RTN4RL1: variants seen among roughly 807,000 people sequenced by gnomAD.
RTN4RL1 encodes the protein reticulon-4 receptor-like 1.
Under a neutral mutation model 25.6 loss-of-function variants are expected in RTN4RL1, and 7 were observed. The observed-to-expected ratio is 0.27, with a 90% CI of 0.16 to 0.51. The LOEUF (loss-of-function observed/expected upper bound fraction) is 0.51, where lower values mean the gene tolerates loss of function less well. Ranked by LOEUF, RTN4RL1 falls within the 20% of genes least tolerant of loss-of-function variation. The pLI, the probability that RTN4RL1 is intolerant of heterozygous loss-of-function variation, is 0.97. For missense variants in RTN4RL1, 500 were observed against 615.6 expected (o/e 0.81, Z 1.99); for synonymous variants, 297 against 288.2 (o/e 1.03, Z -0.31).
intron 1 of RTN4RL1, among the ~76,000 whole-genome samples, chr17:1,995,263 T>A (rs548326654): frequency 6.6e-6 from 1 of 151,942 alleles, no homozygotes; most frequent in Non-Finnish European, 1.5e-5. Flanking sequence ...CCGTCTCTAC[T>A]AAAAATACAA....
At chr17:2,015,152 G>A (rs1290262879) in intron 1 of RTN4RL1, among the ~76,000 whole-genome samples, 1 of 152,196 alleles carries the variant, frequency 6.6e-6, no homozygotes, top group Non-Finnish European at 1.5e-5. Context: ...CAGTGGCGGA[G>A]GAGGTGCAAA....
intron 1 of RTN4RL1, among the ~76,000 whole-genome samples, chr17:2,011,713 C>G (rs1274695750): frequency 6.6e-6 from 1 of 152,198 alleles, no homozygotes; most frequent in Non-Finnish European, 1.5e-5. Flanking sequence ...TCTCTGCAAT[C>G]AGAATTGGCC....
chr17:1,990,941 T>G (rs919353226), intron 1 of RTN4RL1, among the ~76,000 whole-genome samples: 1 of 152,002 alleles, frequency 6.6e-6, no homozygotes, highest in African/African-American at 2.4e-5. Flanking sequence ...GCATGTGTAG[T>G]GCTCCCCCTG....
intron 1 of RTN4RL1, among the ~76,000 whole-genome samples, chr17:2,021,551 C>CTTTTTTT (rs767770637): frequency 1.9e-5 from 2 of 106,186 alleles, no homozygotes; most frequent in African/African-American, 3.6e-5. Context: ...CATCCTATAC[C>CTTTTTTT]TTTTTTTTTT....
chr17:1,989,650 T>C (rs2066901288), intron 1 of RTN4RL1, among the ~76,000 whole-genome samples: 1 of 152,166 alleles, frequency 6.6e-6, no homozygotes, highest in African/African-American at 2.4e-5. Context: ...CTCGGTTCAC[T>C]GCCACCTCCA....
At chr17:1,960,356 G>A (rs149481093) in intron 1 of RTN4RL1, among the ~76,000 whole-genome samples, 2 of 152,184 alleles carry the variant, frequency 1.3e-5, no homozygotes, top group East Asian at 1.9e-4. Flanking sequence ...TTTCCTGCTC[G>A]AAATCTTCAG....
chr17:2,008,984 C>T (rs2067022985), intron 1 of RTN4RL1, among the ~76,000 whole-genome samples: 1 of 152,146 alleles, frequency 6.6e-6, no homozygotes, highest in African/African-American at 2.4e-5. Context: ...TTTACTCACT[C>T]CCACCCTGCC....
intron 1 of RTN4RL1, among the ~76,000 whole-genome samples, chr17:1,991,099 G>A (rs575094933): frequency 2.6e-5 from 4 of 152,296 alleles, no homozygotes; most frequent in East Asian, 1.9e-4. Flanking sequence ...GATTCCATTC[G>A]ATTCAGCAAA....
At chr17:1,958,031 A>T (rs1915825255) in intron 1 of RTN4RL1, among the ~76,000 whole-genome samples, 2 of 151,780 alleles carry the variant, frequency 1.3e-5, no homozygotes, top group Admixed American at 6.6e-5. Context: ...AAAAAATAAA[A>T]AATAAAAAAA....
Position 2,024,961 on chromosome 17 carries a change from G to C in RTN4RL1, c.-96C>G. ...TGGGCGCCAGCTGCAGCTAATCCGAGCGCGTCGAGGCGGGGGCAAGCCGGG... is the reference window on the plus strand; with the variant it reads ...TGGGCGCCAGCTGCAGCTAATCCGACCGCGTCGAGGCGGGGGCAAGCCGGG... On this transcript the variant is annotated 5_prime_UTR_variant, in exon 1 of 2. Transcript: ENST00000331238. The C allele has an allele frequency of 7.5e-7, 1 of 1,337,330 alleles. No individual in the cohort carries two copies. Among genetic ancestry groups the C allele is most frequent in the Non-Finnish European group, 1.0e-6 (1 of 973,426 alleles). The allele number at this position is 1,337,330 out of a possible 1,614,324, so 82.8% of individuals were successfully genotyped here. A position where few individuals can be genotyped will look rare whatever the true frequency, so the allele number is the denominator to read the frequency against.
At position 1,971,977 on chromosome 17, in the gene RTN4RL1, AAAT is replaced by A. The variant is rs2066822311; in HGVS notation, c.14-34172_14-34170del. ...ACTCCCTCTCAAAAAAAAAAAAAAA[AAAT>A]TTTAAACATTAGCCAGGTGTGGTGG... On this transcript the variant is annotated intron_variant, in intron 1 of 1. Transcript: ENST00000331238. Among the ~76,000 whole-genome samples the A allele has an allele frequency of 2.7e-5, 4 of 148,482 alleles. 1 individual carries two copies. Among genetic ancestry groups the A allele is most frequent in the South Asian group, 4.2e-4 (2 of 4,710 alleles).
intron 1 of RTN4RL1, among the ~76,000 whole-genome samples, chr17:2,006,391 C>T (rs780458034): frequency 1.3e-5 from 2 of 151,492 alleles, no homozygotes; most frequent in Admixed American, 6.6e-5. Flanking sequence ...CGACTCCTGA[C>T]CTCAGGCAGT....
At chr17:1,956,161 G>C (rs972375001) in intron 1 of RTN4RL1, among the ~76,000 whole-genome samples, 2 of 152,024 alleles carry the variant, frequency 1.3e-5, no homozygotes, top group Non-Finnish European at 2.9e-5. Context: ...CTCTATCTTT[G>C]AGGCTGTGTA....
intron 1 of RTN4RL1, among the ~76,000 whole-genome samples, chr17:1,999,394 C>G (rs1012995319): frequency 6.6e-6 from 1 of 151,174 alleles, no homozygotes; most frequent in African/African-American, 2.4e-5. Flanking sequence ...TGCAGTGAAC[C>G]GAGATCGCGC....
At chr17:1,997,687 C>T (rs1250233378) in intron 1 of RTN4RL1, among the ~76,000 whole-genome samples, 4 of 152,200 alleles carry the variant, frequency 2.6e-5, no homozygotes, top group Non-Finnish European at 5.9e-5. Flanking sequence ...AGGAACACCT[C>T]GCCAGCCTCC....
chr17:1,942,288 C>A (rs1209708178), intron 1 of RTN4RL1, among the ~76,000 whole-genome samples: 3 of 152,166 alleles, frequency 2.0e-5, no homozygotes, highest in Non-Finnish European at 4.4e-5. Context: ...TCATTCATTC[C>A]CTCCTCCATT....
At chr17:1,963,248 G>T (rs544567916) in intron 1 of RTN4RL1, among the ~76,000 whole-genome samples, 6 of 152,308 alleles carry the variant, frequency 3.9e-5, no homozygotes, top group African/African-American at 1.4e-4. Context: ...CCCTCTGGGC[G>T]TAGAGCTGTC....
intron 1 of RTN4RL1, among the ~76,000 whole-genome samples, chr17:1,986,021 C>T (rs183665304): frequency 6.6e-6 from 1 of 152,178 alleles, no homozygotes; most frequent in East Asian, 1.9e-4. Flanking sequence ...AGACACTTGC[C>T]TATAACCTTG....
chr17:2,016,168 G>A (rs903829776), intron 1 of RTN4RL1, among the ~76,000 whole-genome samples: 2 of 152,182 alleles, frequency 1.3e-5, no homozygotes, highest in African/African-American at 4.8e-5. Flanking sequence ...ATCACCTGAG[G>A]TTAGGAGTTC....
Sources: gnomAD v4.1 joint callset for allele counts (sites outside exome capture counted in the v4.1 genomes callset) on GRCh38, gnomAD v4.1.1 for gene constraint, MANE v1.5 for transcripts, NCBI Gene and HGNC (gene_info 2026-07-23, HGNC 2026-07-21) for gene names.